Variants in USP38 observed in about 807,000 individuals in gnomAD.
The protein encoded by USP38 is ubiquitin carboxyl-terminal hydrolase 38.
A neutral mutation model predicts 94.3 loss-of-function variants in USP38; 49 were observed. That is an observed-to-expected ratio of 0.52 (90% CI 0.41 to 0.66). The LOEUF is 0.66. Among genes scored for constraint, USP38 ranks in the 30% least tolerant of loss-of-function variants. The pLI is 0.00. For missense variants in USP38, 1,128 were observed against 1,229.4 expected (o/e 0.92, Z 1.23); for synonymous variants, 468 against 463.6 (o/e 1.01, Z -0.12).
intron 3 of USP38, among the ~76,000 whole-genome samples, 172 bp from the exon 4 acceptor site, chr4:143,197,651 A>G (rs1283008685): frequency 6.6e-6 from 1 of 152,216 alleles, no homozygotes; most frequent in African/African-American, 2.4e-5. Flanking sequence ...GATCTCTGTC[A>G]CGTTATTTCC....
chr4:143,214,539 A>G lies in USP38; in HGVS notation c.2563A>G (p.Ser855Gly). ...VVVHSGISSE[S>G]GHYYSYARNI... ...GGTTCACTCTGGTATATCCTCTGAA[A>G]GTGGGCATTACTATTCTTATGCCAG... Residue 855 changes from serine (S) to glycine (G), a missense_variant, in exon 9 of 10, where the codon AGT (serine) becomes GGT (glycine). Transcript: ENST00000307017. The G allele has an allele frequency of 6.2e-7, 1 of 1,613,612 alleles. No individual in the cohort carries two copies. Among genetic ancestry groups the G allele is most frequent in the East Asian group, 2.2e-5 (1 of 44,808 alleles).
chr4:143,208,632 C>A (rs1391569590), intron 6 of USP38, among the ~76,000 whole-genome samples: 3 of 151,828 alleles, frequency 2.0e-5, no homozygotes, highest in African/African-American at 7.3e-5. Context: ...ATAACCTGTT[C>A]TTTTCTTTGT....
rs1019750403 is a variant in USP38 at position 143,223,041 on chromosome 4, G to A, written c.*2585G>A. On this transcript the variant is annotated 3_prime_UTR_variant, in exon 10 of 10. Coordinates refer to ENST00000307017, the MANE Select transcript of USP38 (RefSeq NM_032557.6). Reference sequence around the variant, plus strand: ...CAAAAATGAAAAACTACAAATCTGAGTCTTTCTTTCAAAGATGTTTATTGA... The same window carrying A: ...CAAAAATGAAAAACTACAAATCTGAATCTTTCTTTCAAAGATGTTTATTGA... 3.3e-5 allele frequency: 5 copies of A among 152,072 alleles called. No individual in the cohort carries two copies. Among genetic ancestry groups the A allele is most frequent in the African/African-American group, 9.7e-5 (4 of 41,422 alleles). The allele number at this position is 152,072 out of a possible 1,614,324, so 9.4% of individuals were successfully genotyped here.
Position 143,214,271 on chromosome 4 carries a change from C to G in USP38, c.2295C>G (p.Leu765=), listed in dbSNP as rs143411261. Residue 765 remains leucine, a synonymous_variant, in exon 9 of 10, where the codon CTC becomes CTG. Transcript: ENST00000307017. ...AACCTGAATACCTTATTCTTACTCT[C>G]CTGAGATTTTCATATGATCAGAAGT... ...TEEPEYLILT[L]LRFSYDQKYH... is the part of the protein sequence containing the mutation. 656 of 1,613,150 alleles carry G rather than the reference C, an allele frequency of 4.1e-4. 3 individuals carry two copies. In the African/African-American group the frequency reaches 7.7e-3, roughly 19 times the overall value.
At chr4:143,217,912 C>T (rs1030504563) in intron 9 of USP38, among the ~76,000 whole-genome samples, 1 of 151,906 alleles carries the variant, frequency 6.6e-6, no homozygotes, top group Non-Finnish European at 1.5e-5. Context: ...ATTTATTTCC[C>T]CTTCATATAT....
intron 3 of USP38, 101 bp downstream of exon 3, chr4:143,195,946 T>A: frequency 8.8e-7 from 1 of 1,133,576 alleles, no homozygotes; most frequent in Non-Finnish European, 1.2e-6. Flanking sequence ...TTGAATATGT[T>A]ATTGTTGTTT....
Position 143,221,452 on chromosome 4 carries a change from T to G in USP38, c.*996T>G, listed in dbSNP as rs1334540241. 6.6e-6 allele frequency: 1 copy of G among 152,612 alleles called. No homozygotes were observed. Among genetic ancestry groups the G allele is most frequent in the African/African-American group, 2.4e-5 (1 of 41,460 alleles). 9.5% of individuals were successfully genotyped at this position (152,612 alleles called of 1,614,324 possible). A position where few individuals can be genotyped will look rare whatever the true frequency, so the allele number is the denominator to read the frequency against. The stretch of plus-strand genomic sequence containing the variant: ...AGTAAAAAATCTGTCTTGATTTTGT[T>G]ACTTATTCCTCAGAATATTAAACAT... On this transcript the variant is annotated 3_prime_UTR_variant, in exon 10 of 10. Coordinates refer to ENST00000307017, the MANE Select transcript of USP38 (RefSeq NM_032557.6).
intron 3 of USP38, among the ~76,000 whole-genome samples, chr4:143,197,018 T>C (rs1731568837): frequency 1.3e-5 from 2 of 152,198 alleles, no homozygotes; most frequent in Admixed American, 1.3e-4. Context: ...GCCTTCCTGC[T>C]CCTGTCCTTG....
At position 143,195,807 on chromosome 4, in the gene USP38, A is replaced by G. The variant is rs774710056; in HGVS notation, c.910A>G (p.Thr304Ala). 6.2e-7 allele frequency: 1 copy of G among 1,613,414 alleles called. No homozygotes were observed. Among genetic ancestry groups the G allele is most frequent in the South Asian group, 1.1e-5 (1 of 90,996 alleles). The change falls in exon 3 of 10, where the codon ACT becomes GCT. Residue 304 changes from threonine to alanine, a missense_variant. Thr to Ala is a moderately conservative substitution (Grantham distance 58, BLOSUM62 0). Transcript: ENST00000307017. Reference sequence around the variant, plus strand: ...AGGACTGGCAGCTGTCCAGAAGTTTACTATTTTGATAGATGTTACTTTGCT... The same window carrying G: ...AGGACTGGCAGCTGTCCAGAAGTTTGCTATTTTGATAGATGTTACTTTGCT... ...LKGLAAVQKFTILIDVTLLKI... is the reference protein window; with the variant it reads ...LKGLAAVQKFAILIDVTLLKI...
chr4:143,213,569 C>T lies in USP38; in HGVS notation c.1605-12C>T. The T allele has an allele frequency of 3.2e-6, 5 of 1,578,076 alleles. No individual in the cohort carries two copies. Among genetic ancestry groups the T allele is most frequent in the Non-Finnish European group, 4.3e-6 (5 of 1,166,844 alleles). ...AATTTAAGTAGCTATATAATGATAT[C>T]CTCTGCTGCAGGCTCCATGAAGAAG... On this transcript the variant is annotated splice_polypyrimidine_tract_variant and intron_variant, in intron 8 of 9. Coordinates refer to ENST00000307017, the MANE Select transcript of USP38 (RefSeq NM_032557.6).
At chr4:143,207,325 G>A (rs570418843) in intron 6 of USP38, among the ~76,000 whole-genome samples, 349 of 152,316 alleles carry the variant, frequency 2.3e-3, no homozygotes, top group African/African-American at 7.2e-3. Context: ...GGATCATGAG[G>A]TCAGGAATTT....
At chr4:143,203,698 G>C (rs1731782256) in intron 5 of USP38, 132 bp downstream of exon 5, 16 of 942,836 alleles carry the variant, frequency 1.7e-5, no homozygotes, top group Non-Finnish European at 2.4e-5. Flanking sequence ...GTTAGAATCA[G>C]GTTTCATTTA....
Position 143,209,669 on chromosome 4 carries a change from T to C in USP38, c.1497+12T>C. The C allele has an allele frequency of 6.5e-7, 1 of 1,543,920 alleles. No individual in the cohort carries two copies. Among genetic ancestry groups the C allele is most frequent in the Non-Finnish European group, 8.9e-7 (1 of 1,121,266 alleles). On this transcript the variant is annotated intron_variant, in intron 7 of 9. Transcript: ENST00000307017. ...TGGCCCATACACAGGTGAGTGTGTA[T>C]GTGTATATAGTACGTTTATGTTAAC...
At chr4:143,216,646 T>A (rs563569730) in intron 9 of USP38, among the ~76,000 whole-genome samples, 234 of 151,728 alleles carry the variant, frequency 1.5e-3, no homozygotes, top group African/African-American at 5.0e-3. Context: ...GCTAATTTTT[T>A]AAAAAAAATT....
intron 5 of USP38, among the ~76,000 whole-genome samples, chr4:143,204,867 G>T (rs912890054): frequency 6.6e-6 from 1 of 152,070 alleles, no homozygotes; most frequent in Non-Finnish European, 1.5e-5. Context: ...CAACATAAAG[G>T]TCTTATTATC....
At chr4:143,201,132 A>G (rs1038354319) in intron 4 of USP38, among the ~76,000 whole-genome samples, 41 of 152,310 alleles carry the variant, frequency 2.7e-4, no homozygotes, top group East Asian at 1.9e-4. Flanking sequence ...AAATTATACT[A>G]CAGGGCTACA....
intron 6 of USP38, among the ~76,000 whole-genome samples, chr4:143,208,976 C>CTT (rs550012218): frequency 1.8e-4 from 24 of 132,872 alleles, no homozygotes; most frequent in African/African-American, 4.9e-4. Flanking sequence ...TGTCCCTTTA[C>CTT]TTTTTTTTTT....
At position 143,203,454 on chromosome 4, in the gene USP38, G is replaced by T. The variant is rs767453821; in HGVS notation, c.1097G>T (p.Gly366Val). The T allele has an allele frequency of 5.6e-6, 9 of 1,612,654 alleles. No homozygotes were observed. In the African/African-American group the frequency reaches 1.1e-4, roughly 19 times the overall value. Reference sequence around the variant, plus strand: ...TTGGTTCATTCTTTCAAAAATGATGGTCTGCCTTCAAGTACAGCCTTCTTA... The same window carrying T: ...TTGGTTCATTCTTTCAAAAATGATGTTCTGCCTTCAAGTACAGCCTTCTTA... ...VNLVHSFKND[G>V]LPSSTAFLVQ... is the part of the protein sequence containing the mutation. The change falls in exon 5 of 10, where the codon GGT (glycine) becomes GTT (valine). Residue 366 changes from glycine to valine, a missense_variant. By Grantham distance (109) the Gly-to-Val change is moderately radical. Coordinates refer to ENST00000307017, the MANE Select transcript of USP38 (RefSeq NM_032557.6).
Position 143,217,906 on chromosome 4 carries a change from A to C in USP38, c.2968-2389A>C, listed in dbSNP as rs140550317. On this transcript the variant is annotated intron_variant, in intron 9 of 9. Coordinates refer to ENST00000307017, the MANE Select transcript of USP38 (RefSeq NM_032557.6). ...AAAGGACTTTTCTCTTCATATATTTATTTCCCCTTCATATATTTCTTTCCC... is the reference window on the plus strand; with the variant it reads ...AAAGGACTTTTCTCTTCATATATTTCTTTCCCCTTCATATATTTCTTTCCC... Among the ~76,000 whole-genome samples the C allele has an allele frequency of 3.6e-3, 545 of 152,182 alleles. 4 individuals carry two copies. Among genetic ancestry groups the C allele is most frequent in the African/African-American group, 0.012 (508 of 41,518 alleles).
Sources: gnomAD v4.1 joint callset for allele counts (sites outside exome capture counted in the v4.1 genomes callset) on GRCh38, gnomAD v4.1.1 for gene constraint, MANE v1.5 for transcripts, NCBI Gene and HGNC (gene_info 2026-07-23, HGNC 2026-07-21) for gene names.